IRF4: variants seen among roughly 807,000 people sequenced by gnomAD.
IRF4 encodes lymphocyte-specific interferon regulatory factor.
In IRF4, 13 loss-of-function variants were observed where a neutral mutation model predicts 55.5. The ratio of observed to expected loss-of-function variants is 0.23; its 90% CI spans 0.15 to 0.37. The LOEUF (loss-of-function observed/expected upper bound fraction) is 0.37. IRF4 is among the 10% of genes least tolerant of loss of function. The pLI is 1.00. For missense variants in IRF4, 397 were observed against 593.8 expected (o/e 0.67, Z 3.44); for synonymous variants, 249 against 240.7 (o/e 1.03, Z -0.32).
intron 7 of IRF4, 21 bp from the exon 8 acceptor site, chr6:404,997 C>G: frequency 1.3e-6 from 2 of 1,517,672 alleles, no homozygotes; most frequent in Non-Finnish European, 9.2e-7. Flanking sequence ...AACATGGTCT[C>G]TTTCTTGTGG....
intron 4 of IRF4, 133 bp downstream of exon 4, chr6:396,068 C>A (rs1389399135): frequency 1.5e-6 from 1 of 660,922 alleles, no homozygotes; most frequent in African/African-American, 1.8e-5. Flanking sequence ...CCAGAAAAAC[C>A]CCAGGTCACT....
In IRF4 at chr6:408,508, A is replaced by G. The variant is rs1197391614; in HGVS notation, c.*910A>G. 4.3e-6 allele frequency: 1 copy of G among 230,020 alleles called. No individual in the cohort carries two copies. Among genetic ancestry groups the G allele is most frequent in the Non-Finnish European group, 8.6e-6 (1 of 116,012 alleles). The allele number at this position is 230,020 out of a possible 1,614,324, so 14.2% of individuals were successfully genotyped here. On this transcript the variant is annotated 3_prime_UTR_variant, in exon 9 of 9. Transcript: ENST00000380956. ...GATGGGACATTTTTGTCTGTCCTAC[A>G]ATCTAGTAATGTCTAAGTAATGGTT...
chr6:392,253 C>T (rs997813473), intron 1 of IRF4, among the ~76,000 whole-genome samples: 13 of 152,278 alleles, frequency 8.5e-5, no homozygotes, highest in Non-Finnish European at 1.6e-4. Context: ...TCACGGCGGC[C>T]TCCGGCGCGG....
chr6:402,562 G>T, intron 7 of IRF4, among the ~76,000 whole-genome samples: 1 of 152,278 alleles, frequency 6.6e-6, no homozygotes, highest in African/African-American at 2.4e-5. Flanking sequence ...TTTCTCATGT[G>T]CCTCCCCTTT....
rs552329010 is a variant in IRF4, at chr6:392,965, G to C, written c.-55-133G>C. ...GGTGCCTTCTTCCGGGGGCCCGGAC[G>C]ACCCTGACACGGCACGCGCGCGCTT... is the stretch of plus-strand genomic sequence containing the variant. On this transcript the variant is annotated intron_variant, in intron 1 of 8. Transcript: ENST00000380956. The C allele has an allele frequency of 1.5e-4, 78 of 526,866 alleles. No individual in the cohort carries two copies. In the South Asian group the frequency reaches 2.3e-3, roughly 15 times the overall value. 32.6% of individuals were successfully genotyped at this position (526,866 alleles called of 1,614,324 possible). A position where few individuals can be genotyped will look rare whatever the true frequency, so the allele number is the denominator to read the frequency against.
At position 405,457 on chromosome 6, in the gene IRF4, T is replaced by C. The variant is rs2280118; in HGVS notation, c.1212+327T>C. On this transcript the variant is annotated intron_variant, in intron 8 of 8. Coordinates refer to ENST00000380956, the MANE Select transcript of IRF4 (RefSeq NM_002460.4). ...GATTGAAAAAGATTGATGGTTAAAG[T>C]TGCCCTTTAAAATTCTCCAGGTTAA... 0.19 allele frequency among the ~76,000 whole-genome samples: 29,244 copies of C among 152,094 alleles called. 2,926 individuals carry two copies. The highest frequency in any genetic ancestry group is 0.29 in the Middle Eastern group (85 of 294).
chr6:403,747 G>C (rs895873403), intron 7 of IRF4, among the ~76,000 whole-genome samples: 2 of 152,354 alleles, frequency 1.3e-5, no homozygotes, highest in African/African-American at 4.8e-5. Flanking sequence ...TGCTGTGAAC[G>C]TAAAAACTGC....
chr6:397,020 G>A, intron 4 of IRF4, 88 bp from the exon 5 acceptor site: 1 of 1,438,592 alleles, frequency 7.0e-7, no homozygotes, highest in Non-Finnish European at 9.4e-7. Flanking sequence ...CTCGATGCCA[G>A]TGCTTCCTAT....
At chr6:397,073 T>C in intron 4 of IRF4, 35 bp from the exon 5 acceptor site, 1 of 1,611,680 alleles carries the variant, frequency 6.2e-7, no homozygotes, top group Non-Finnish European at 8.5e-7. Context: ...TCAATGCCAG[T>C]GCTTCTTATC....
At chr6:400,500 A>G (rs920246942) in intron 6 of IRF4, among the ~76,000 whole-genome samples, 2 of 152,360 alleles carry the variant, frequency 1.3e-5, no homozygotes, top group South Asian at 4.1e-4. Flanking sequence ...CACAAAGCCC[A>G]GTGGGAATTT....
At chr6:396,174 G>C in intron 4 of IRF4, 1 of 516,162 alleles carries the variant, frequency 1.9e-6, no homozygotes, top group Non-Finnish European at 3.4e-6. Context: ...ATGCTTCTCA[G>C]GTCTTCTGGG....
chr6:408,092 G>A lies in IRF4; in HGVS notation c.*494G>A, dbSNP rs896638448. The A allele has an allele frequency of 8.3e-5, 20 of 241,786 alleles. No individual in the cohort carries two copies. Among genetic ancestry groups the A allele is most frequent in the African/African-American group, 4.2e-4 (19 of 45,338 alleles). The allele number at this position is 241,786 out of a possible 1,614,324, so 15.0% of individuals were successfully genotyped here. A position where few individuals can be genotyped will look rare whatever the true frequency, so the allele number is the denominator to read the frequency against. On this transcript the variant is annotated 3_prime_UTR_variant, in exon 9 of 9. Transcript: ENST00000380956. ...TTTACTGAAATGCGCTCTTTAATTT[G>A]TTGTAGATTAGGTCTTGCTGGAAGA...
rs774593906 is a variant in IRF4 at position 397,186 on chromosome 6, C to T, written c.571C>T (p.Pro191Ser). 8 of 1,614,288 alleles carry T rather than the reference C, an allele frequency of 5.0e-6. No homozygotes were observed. The Admixed American group carries it at 6.7e-5, about 13-fold the overall frequency. Residue 191 changes from proline (P) to serine (S), a missense_variant, in exon 5 of 9, where the codon CCG (proline) becomes TCG (serine). Around this residue, in one of 3 missense-constraint regions of IRF4, gnomAD observed 341 missense variants for 548.1 expected, o/e 0.62. Transcript: ENST00000380956. Reference sequence around the variant, plus strand: ...CCCGGATCAGCCACACCCGGAAATCCCGTACCAATGTCCCATGACGTTTGG... The same window carrying T: ...CCCGGATCAGCCACACCCGGAAATCTCGTACCAATGTCCCATGACGTTTGG... ...YVPDQPHPEI[P>S]YQCPMTFGPR...
chr6:402,322 C>A (rs1218492716), intron 7 of IRF4, among the ~76,000 whole-genome samples: 1 of 152,118 alleles, frequency 6.6e-6, no homozygotes, highest in East Asian at 1.9e-4. Context: ...TGTTTTTCTA[C>A]CTTGGATTTC....
rs373569149 is a variant in IRF4, at chr6:401,783, G to A, written c.1099+6G>A. ...CACACAGCAGTTCTTGTCAGGTAAG[G>A]CACCTCGTTATCTGTTAGAATGGAG... On this transcript the variant is annotated splice_donor_region_variant and intron_variant, in intron 7 of 8. Coordinates refer to ENST00000380956, the MANE Select transcript of IRF4 (RefSeq NM_002460.4). 14 of 1,613,304 alleles carry A rather than the reference G, an allele frequency of 8.7e-6. No homozygotes were observed. Among genetic ancestry groups the A allele is most frequent in the Admixed American group, 6.7e-5 (4 of 60,008 alleles).
intron 4 of IRF4, 27 bp downstream of exon 4, chr6:395,962 G>A: frequency 6.4e-7 from 1 of 1,574,048 alleles, no homozygotes; most frequent in Non-Finnish European, 8.7e-7. Context: ...TGGGCTCCCT[G>A]AGGGCGAGGC....
Position 393,406 on chromosome 6 carries a change from A to T in IRF4, c.216+38A>T. 5.3e-5 allele frequency: 58 copies of T among 1,090,258 alleles called. No homozygotes were observed. Among genetic ancestry groups the T allele is most frequent in the Non-Finnish European group, 7.2e-5 (56 of 781,882 alleles). 67.5% of individuals were successfully genotyped at this position (1,090,258 alleles called of 1,614,324 possible). On this transcript the variant is annotated intron_variant, in intron 2 of 8. Transcript: ENST00000380956. This position sits in a 1 kb window ranked among gnomAD's most constrained non-coding sequence, Gnocchi z 5.4. ...GGGAGCCGGCGGGGGCGCGCCGGGGAGGGCCCAGAGACAGAGCCCGGGGTC... is the reference window on the plus strand; with the variant it reads ...GGGAGCCGGCGGGGGCGCGCCGGGGTGGGCCCAGAGACAGAGCCCGGGGTC...
At chr6:406,615 T>G (rs1761550164) in intron 8 of IRF4, among the ~76,000 whole-genome samples, 1 of 152,112 alleles carries the variant, frequency 6.6e-6, no homozygotes, top group Non-Finnish European at 1.5e-5. Flanking sequence ...TTGACATGGA[T>G]GCAAGTCACT....
chr6:394,857 A>T lies in IRF4; in HGVS notation c.253A>T (p.Ile85Phe). The stretch of plus-strand genomic sequence containing the variant: ...GTTTAAAGGAAAGTTCCGAGAAGGC[A>T]TCGACAAGCCGGACCCTCCCACCTG... ...ALFKGKFREG[I>F]DKPDPPTWKT... Residue 85 changes from isoleucine to phenylalanine, a missense_variant, in exon 3 of 9, where the codon ATC (isoleucine) becomes TTC (phenylalanine). This residue lies in a region of IRF4 where 341 missense variants were observed against 548.1 expected (regional missense o/e 0.62). Coordinates refer to ENST00000380956, the MANE Select transcript of IRF4 (RefSeq NM_002460.4). 6.2e-7 allele frequency: 1 copy of T among 1,614,228 alleles called. No homozygotes were observed. Among genetic ancestry groups the T allele is most frequent in the South Asian group, 1.1e-5 (1 of 91,080 alleles).
Sources: gnomAD v4.1 joint callset for allele counts (sites outside exome capture counted in the v4.1 genomes callset) on GRCh38, gnomAD v4.1.1 for gene constraint, gnomAD v4.1.1 regional missense constraint, Gnocchi (gnomAD v3.1) non-coding constraint, MANE v1.5 for transcripts, NCBI Gene and HGNC (gene_info 2026-07-23, HGNC 2026-07-21) for gene names.